MMRN2: variants seen among roughly 807,000 people sequenced by gnomAD.
The protein encoded by MMRN2 is multimerin 2.
Under a neutral mutation model 68.8 loss-of-function variants are expected in MMRN2, and 53 were observed. The observed-to-expected ratio is 0.77, with a 90% CI of 0.62 to 0.97. The LOEUF is 0.97. Among genes scored for constraint, MMRN2 ranks in the 50% least tolerant of loss-of-function variants. The probability of loss-of-function intolerance (pLI) is 0.00; values close to 1 mark genes in which losing one functional copy is unlikely to be tolerated. For synonymous variants in MMRN2, 564 were observed against 551.6 expected, an observed-to-expected ratio of 1.02 and a Z score of -0.32; for missense variants, 1,266 against 1,259.5, an observed-to-expected ratio of 1.01 and a Z score of -0.08.
chr10:86,946,122 T>C lies in MMRN2; in HGVS notation c.165-433A>G, dbSNP rs555420788. Among the ~76,000 whole-genome samples the C allele has an allele frequency of 3.3e-5, 5 of 152,366 alleles. No homozygotes were observed. The South Asian group carries it at 1.0e-3, about 32-fold the overall frequency. On this transcript the variant is annotated intron_variant, in intron 1 of 6. Transcript: ENST00000372027. ...CTCGCTGTTTCTCCTGCTACCAACG[T>C]GCAGCTGGGGCTGGAGAATCCTGGG...
chr10:86,955,827 G>T (rs1053167635), intron 1 of MMRN2, among the ~76,000 whole-genome samples: 28 of 152,106 alleles, frequency 1.8e-4, no homozygotes, highest in African/African-American at 4.8e-4. Flanking sequence ...GGGCTTCCAG[G>T]CTTGGGACAC....
At position 86,951,093 on chromosome 10, in the gene MMRN2, A is replaced by G. The variant is rs373845942; in HGVS notation, c.165-5404T>C. 2.7e-5 allele frequency among the ~76,000 whole-genome samples: 4 copies of G among 148,184 alleles called. No individual in the cohort carries two copies. The East Asian group carries it at 5.8e-4, about 22-fold the overall frequency. On this transcript the variant is annotated intron_variant, in intron 1 of 6. Coordinates refer to ENST00000372027, the MANE Select transcript of MMRN2 (RefSeq NM_024756.3). ...ACAAGAGTGAAACTCCATCTCAAAG[A>G]AAAAAAAAGATAATGCTACCTCCTA...
Position 86,942,877 on chromosome 10 carries a change from T to C in MMRN2, c.1907A>G (p.Gln636Arg). ...GGCGTCCTGCAGGGCCACGCGGATCTGCTCGTAGCTCAGGGGCAGCGGTCC... is the reference window on the plus strand; with the variant it reads ...GGCGTCCTGCAGGGCCACGCGGATCCGCTCGTAGCTCAGGGGCAGCGGTCC... ...TPGPLPLSYE[Q>R]IRVALQDAAS... Residue 636 changes from glutamine to arginine, a missense_variant, in exon 6 of 7, where the codon CAG becomes CGG. Physicochemically the swap from Gln to Arg is conservative, Grantham distance 43 (BLOSUM62 1). Transcript: ENST00000372027. The C allele has an allele frequency of 7.0e-7, 1 of 1,434,260 alleles. No individual in the cohort carries two copies. Among genetic ancestry groups the C allele is most frequent in the Non-Finnish European group, 9.2e-7 (1 of 1,092,680 alleles). The allele number at this position is 1,434,260 out of a possible 1,614,324, so 88.8% of individuals were successfully genotyped here. A position where few individuals can be genotyped will look rare whatever the true frequency, so the allele number is the denominator to read the frequency against.
intron 1 of MMRN2, among the ~76,000 whole-genome samples, chr10:86,946,229 G>A (rs1476186389): frequency 6.6e-6 from 1 of 152,200 alleles, no homozygotes; most frequent in African/African-American, 2.4e-5. Flanking sequence ...ATACAATGGC[G>A]ATCGTAATGC....
At chr10:86,941,908 CCA>C (rs1171475557) in intron 6 of MMRN2, among the ~76,000 whole-genome samples, 1 of 151,290 alleles carries the variant, frequency 6.6e-6, no homozygotes, top group African/African-American at 2.4e-5. Context: ...CAGTCCCTAT[CCA>C]CATTCTTCCT....
At chr10:86,941,927 A>G (rs543260733) in intron 6 of MMRN2, among the ~76,000 whole-genome samples, 1 of 151,936 alleles carries the variant, frequency 6.6e-6, no homozygotes, top group East Asian at 1.9e-4. Flanking sequence ...TCCTAGATAC[A>G]GTGGCTTAAA....
At position 86,943,443 on chromosome 10, in the gene MMRN2, G is replaced by C. The variant is rs1224233462; in HGVS notation, c.1341C>G (p.Arg447=). The change falls in exon 6 of 7, where the codon CGC becomes CGG. Residue 447 remains arginine (R), a synonymous_variant. Coordinates refer to ENST00000372027, the MANE Select transcript of MMRN2 (RefSeq NM_024756.3). The surrounding 1 kb of genome is among the most constrained non-coding windows in gnomAD (Gnocchi z 4.2). ...QVNHTALREL[R]VILMEKSLIM... The stretch of plus-strand genomic sequence containing the variant: ...TCAGAGACTTCTCCATCAGGATCAC[G>C]CGCAGCTCACGGAGCGCCGTGTGGT... 1 of 1,614,130 alleles carries C rather than the reference G, an allele frequency of 6.2e-7. No homozygotes were observed. Among genetic ancestry groups the C allele is most frequent in the Admixed American group, 1.7e-5 (1 of 60,026 alleles).
At chr10:86,950,131 C>T (rs565229228) in intron 1 of MMRN2, among the ~76,000 whole-genome samples, 2 of 151,952 alleles carry the variant, frequency 1.3e-5, no homozygotes, top group South Asian at 2.1e-4. Context: ...CGGATCACGA[C>T]GTCAGGAGTT....
In MMRN2 at chr10:86,942,806, C is replaced by T. The variant is rs747282226; in HGVS notation, c.1978G>A (p.Ala660Thr). The T allele has an allele frequency of 2.9e-6, 4 of 1,358,160 alleles. No homozygotes were observed. In the African/African-American group the frequency reaches 4.6e-5, roughly 16 times the overall value. 84.1% of individuals were successfully genotyped at this position (1,358,160 alleles called of 1,614,324 possible). Residue 660 changes from alanine (A) to threonine (T), a missense_variant, in exon 6 of 7, where the codon GCC becomes ACC. Ala to Thr is a moderately conservative substitution (Grantham distance 58). Transcript: ENST00000372027. ...GCCTGCTCCAGGGCCGTCACTCGGG[C>T]GGCCAGCTCGTCCCAGCCGAGCGCC... ...EQALGWDELA[A>T]RVTALEQASE...
chr10:86,946,759 G>C (rs1331830845), intron 1 of MMRN2, among the ~76,000 whole-genome samples: 3 of 152,198 alleles, frequency 2.0e-5, no homozygotes, highest in African/African-American at 7.2e-5. Flanking sequence ...AGCACCTCTT[G>C]GGTGCCGGGT....
At chr10:86,939,813 GTGTGTGTGTGTGTGTGTGTGTGTGTT>G (rs762897716) in intron 6 of MMRN2, among the ~76,000 whole-genome samples, 6,307 of 124,162 alleles carry the variant, frequency 0.051, 379 homozygotes, top group African/African-American at 0.15. Context: ...TGGGGTGTGT[GTGTGTGTGTGTGTGTGTGTGTGTGTT>G]TGTGTGTGTG....
chr10:86,936,813 G>A lies in MMRN2; in HGVS notation c.2780C>T (p.Thr927Ile). Residue 927 changes from threonine to isoleucine, a missense_variant, in exon 7 of 7, where the codon ACC becomes ATC. Coordinates refer to ENST00000372027, the MANE Select transcript of MMRN2 (RefSeq NM_024756.3). ...QKGERVWFEL[T>I]QGSITKRSLS... ...GCTTCTCTTTGTTATTGATCCCTGG[G>A]TTAACTCAAACCATACTCGCTCACC... is the stretch of plus-strand genomic sequence containing the variant. 6.2e-7 allele frequency: 1 copy of A among 1,614,194 alleles called. No homozygotes were observed. Among genetic ancestry groups the A allele is most frequent in the Non-Finnish European group, 8.5e-7 (1 of 1,180,040 alleles).
chr10:86,943,045 G>T lies in MMRN2; in HGVS notation c.1739C>A (p.Ala580Glu). ...CTCGTGGCGGGCCTCGGCCGCGGCC[G>T]CCTTCAGCGCGCCCACCTCGTCATC... ...ALDDEVGALKAAAAEARHEVR... is the reference protein window; with the variant it reads ...ALDDEVGALKEAAAEARHEVR... Residue 580 changes from alanine to glutamate, a missense_variant, in exon 6 of 7, where the codon GCG (alanine) becomes GAG (glutamate). Transcript: ENST00000372027. This position sits in a 1 kb window ranked among gnomAD's most constrained non-coding sequence, Gnocchi z 4.2. 5 of 1,360,418 alleles carry T rather than the reference G, an allele frequency of 3.7e-6. 1 individual carries two copies. Among genetic ancestry groups the T allele is most frequent in the Non-Finnish European group, 4.7e-6 (5 of 1,060,850 alleles). 84.3% of individuals were successfully genotyped at this position (1,360,418 alleles called of 1,614,324 possible).
chr10:86,937,756 T>A (rs1843901666), intron 6 of MMRN2, among the ~76,000 whole-genome samples: 2 of 152,180 alleles, frequency 1.3e-5, no homozygotes, highest in South Asian at 4.1e-4. Flanking sequence ...CACCACTTGC[T>A]AGGAATCTTG....
intron 6 of MMRN2, 27 bp from the exon 7 acceptor site, chr10:86,937,152 T>G: frequency 6.2e-7 from 1 of 1,607,022 alleles, no homozygotes; most frequent in South Asian, 1.1e-5. Flanking sequence ...CAGTGCTTAG[T>G]GATTCATCCC....
chr10:86,942,520 A>G lies in MMRN2; in HGVS notation c.2264T>C (p.Phe755Ser), dbSNP rs771642481. 6 of 1,613,802 alleles carry G rather than the reference A, an allele frequency of 3.7e-6. 1 individual carries two copies. The South Asian group carries it at 4.4e-5, about 12-fold the overall frequency. Residue 755 changes from phenylalanine to serine, a missense_variant, in exon 6 of 7, where the codon TTT (phenylalanine) becomes TCT (serine). By Grantham distance (155) the Phe-to-Ser change is radical (BLOSUM62 -2). Coordinates refer to ENST00000372027, the MANE Select transcript of MMRN2 (RefSeq NM_024756.3). ...TTCCATGAGCCCTTGGAAGTTCCCA[A>G]AGAGGCTGTGGAAGAGCCGCTGGTG... The part of the protein sequence containing the change: ...EQHQRLFHSL[F>S]GNFQGLMEAN...
chr10:86,955,361 C>T (rs989338209), intron 1 of MMRN2, among the ~76,000 whole-genome samples: 5 of 152,200 alleles, frequency 3.3e-5, no homozygotes, highest in East Asian at 1.9e-4. Flanking sequence ...CTGGGCCCCT[C>T]GGGGTCCCTG....
chr10:86,944,511 A>T, intron 4 of MMRN2, 76 bp from the exon 5 acceptor site: 1 of 1,527,456 alleles, frequency 6.5e-7, no homozygotes, highest in South Asian at 1.2e-5. Flanking sequence ...AGAGAAGGAG[A>T]GTTGAAGGCT....
chr10:86,947,604 C>G (rs954038437), intron 1 of MMRN2, among the ~76,000 whole-genome samples: 1 of 152,016 alleles, frequency 6.6e-6, no homozygotes, highest in Non-Finnish European at 1.5e-5. Flanking sequence ...AACTCCTGAC[C>G]TCGTGATCCA....
Sources: allele counts gnomAD v4.1 joint callset (sites outside exome capture counted in the v4.1 genomes callset), GRCh38; gene constraint gnomAD v4.1.1; non-coding constraint Gnocchi (gnomAD v3.1); transcripts MANE v1.5; gene names NCBI Gene and HGNC (gene_info 2026-07-23, HGNC 2026-07-21).